PPP1R1C: variants seen among roughly 807,000 people sequenced by gnomAD.
PPP1R1C encodes the protein protein phosphatase 1 regulatory subunit 1C.
Under a neutral mutation model 17.4 loss-of-function variants are expected in PPP1R1C, and 15 were observed. That is an observed-to-expected ratio of 0.86 (90% CI 0.58 to 1.33). The LOEUF (loss-of-function observed/expected upper bound fraction) is 1.33. Ranked by LOEUF, PPP1R1C falls within the 40% of genes most tolerant of loss-of-function variation. PPP1R1C has a pLI of 0.00. For synonymous variants in PPP1R1C, 35 were observed against 43.1 expected, an observed-to-expected ratio of 0.81 and a Z score of 0.73; for missense variants, 143 against 130.0, an observed-to-expected ratio of 1.10 and a Z score of -0.48.
At chr2:182,060,784 C>G (rs902004632) in intron 2 of PPP1R1C, among the ~76,000 whole-genome samples, 1 of 151,998 alleles carries the variant, frequency 6.6e-6, no homozygotes, top group African/African-American at 2.4e-5. Flanking sequence ...AGGCAGAGGC[C>G]ATACAATGTA....
At chr2:182,043,608 C>T (rs1687252169) in intron 2 of PPP1R1C, among the ~76,000 whole-genome samples, 1 of 152,160 alleles carries the variant, frequency 6.6e-6, no homozygotes, top group African/African-American at 2.4e-5. Flanking sequence ...TGTGGAGTAG[C>T]TGATCCGGGA....
At position 182,124,843 on chromosome 2, in the gene PPP1R1C, A is replaced by T. The variant is rs1237782539; in HGVS notation, c.*7-4131A>T. On this transcript the variant is annotated intron_variant, in intron 5 of 5. Coordinates refer to the PPP1R1C transcript ENST00000280295. ...ATATATAATTGTGTCATCTGCAAAC[A>T]GAGATAATTTGACTTCCCCTCTTCC... 2.0e-5 allele frequency among the ~76,000 whole-genome samples: 3 copies of T among 152,206 alleles called. No individual in the cohort carries two copies. The East Asian group carries it at 5.8e-4, about 29-fold the overall frequency.
Position 181,961,189 on chromosome 2 carries a change from C to T in PPP1R1C, n.111+6555C>T, listed in dbSNP as rs1171467371. 2 of 862,558 alleles carry T rather than the reference C, an allele frequency of 2.3e-6. No homozygotes were observed. Among genetic ancestry groups the T allele is most frequent in the East Asian group, 2.4e-5 (1 of 40,916 alleles). The allele number at this position is 862,558 out of a possible 1,614,324, so 53.4% of individuals were successfully genotyped here. ...TGACCTCCTGCTCCCCAAAGGGTAC[C>T]CTGCTTCTGCTGGCTTGATGTCTTA... On this transcript the variant is annotated intron_variant and non_coding_transcript_variant, in intron 1 of 5. Coordinates refer to the PPP1R1C transcript ENST00000464264. The surrounding 1 kb of genome is among the most constrained non-coding windows in gnomAD (Gnocchi z 5.8).
intron 4 of PPP1R1C, among the ~76,000 whole-genome samples, chr2:182,092,380 G>T (rs1688806845): frequency 6.6e-6 from 1 of 152,096 alleles, no homozygotes; most frequent in Admixed American, 6.5e-5. Flanking sequence ...AATTATGGGA[G>T]ATACAAGATG....
intron 4 of PPP1R1C, among the ~76,000 whole-genome samples, chr2:182,093,131 C>G (rs1688835932): frequency 6.6e-6 from 1 of 152,210 alleles, no homozygotes; most frequent in African/African-American, 2.4e-5. Flanking sequence ...CCTTTAAAAT[C>G]TAGGTGGAGG....
intron 2 of PPP1R1C, among the ~76,000 whole-genome samples, chr2:181,992,126 C>T (rs1052556646): frequency 6.6e-6 from 1 of 152,160 alleles, no homozygotes; most frequent in African/African-American, 2.4e-5. Flanking sequence ...CATAAACCAA[C>T]CCAAGTCCCT....
chr2:181,963,522 C>A (rs150558040), intron 1 of PPP1R1C, among the ~76,000 whole-genome samples: 2 of 152,180 alleles, frequency 1.3e-5, no homozygotes, highest in East Asian at 3.9e-4. Flanking sequence ...TCCTGTAATC[C>A]CAGCTACTCA....
intron 3 of PPP1R1C, among the ~76,000 whole-genome samples, chr2:182,062,557 G>T (rs942587302): frequency 1.3e-5 from 2 of 152,178 alleles, no homozygotes; most frequent in African/African-American, 4.8e-5. Context: ...TAGTATGTAG[G>T]TATCACAAAA....
chr2:182,087,893 T>C (rs1411710808), intron 4 of PPP1R1C, among the ~76,000 whole-genome samples: 3 of 152,198 alleles, frequency 2.0e-5, no homozygotes, highest in Non-Finnish European at 4.4e-5. Flanking sequence ...TAATGCATAA[T>C]AGTTAATGAG....
At chr2:182,121,351 T>C (rs991396216), downstream of PPP1R1C, among the ~76,000 whole-genome samples, 1 of 105,886 alleles carries the variant, frequency 9.4e-6, no homozygotes, top group Non-Finnish European at 2.0e-5. Flanking sequence ...TAGTGAGCAT[T>C]TAATAATTGG....
At chr2:182,081,319 A>C (rs2125213551) in intron 4 of PPP1R1C, among the ~76,000 whole-genome samples, 1 of 152,322 alleles carries the variant, frequency 6.6e-6, no homozygotes, top group East Asian at 1.9e-4. Flanking sequence ...GGCTATCAGT[A>C]TTGTATAATT....
intron 1 of PPP1R1C, among the ~76,000 whole-genome samples, chr2:181,966,521 A>T (rs947599480): frequency 2.0e-5 from 3 of 151,890 alleles, no homozygotes; most frequent in African/African-American, 7.3e-5. Flanking sequence ...TCATAAAAGG[A>T]TATTGAATTT....
chr2:182,130,660 AT>A (rs1404670928), downstream of PPP1R1C: 6 of 152,156 alleles, frequency 3.9e-5, no homozygotes, highest in African/African-American at 1.4e-4. Context: ...CTCCTGTTAC[AT>A]TTCTCCTGCA....
intron 2 of PPP1R1C, among the ~76,000 whole-genome samples, chr2:182,036,141 T>C (rs1686998745): frequency 6.6e-6 from 1 of 152,202 alleles, no homozygotes; most frequent in African/African-American, 2.4e-5. Context: ...GATTTCAATT[T>C]ATTTGGTAAC....
intron 2 of PPP1R1C, among the ~76,000 whole-genome samples, chr2:182,058,670 G>C (rs913197647): frequency 1.3e-5 from 2 of 152,014 alleles, no homozygotes; most frequent in Non-Finnish European, 2.9e-5. Flanking sequence ...TGTAATTCAG[G>C]AATTTTACGT....
chr2:181,972,094 T>C (rs1176379824), intron 1 of PPP1R1C, among the ~76,000 whole-genome samples: 2 of 152,236 alleles, frequency 1.3e-5, no homozygotes, highest in Non-Finnish European at 2.9e-5. Flanking sequence ...GTCATTTAAT[T>C]TGGTGTTTCT....
chr2:182,013,064 C>A (rs373734656), intron 2 of PPP1R1C, among the ~76,000 whole-genome samples: 3 of 151,926 alleles, frequency 2.0e-5, no homozygotes, highest in East Asian at 1.9e-4. Flanking sequence ...GTTTGCACAC[C>A]ATAGTTACAG....
intron 2 of PPP1R1C, among the ~76,000 whole-genome samples, chr2:182,014,346 A>T (rs888804279): frequency 6.6e-6 from 1 of 152,160 alleles, no homozygotes; most frequent in Non-Finnish European, 1.5e-5. Flanking sequence ...ACTTTCCTAG[A>T]TTACCTAGCA....
rs954970284 is a variant in PPP1R1C at position 181,985,924 on chromosome 2, G to A, written c.-187G>A. 4.9e-6 allele frequency: 3 copies of A among 611,946 alleles called. No homozygotes were observed. Among genetic ancestry groups the A allele is most frequent in the Admixed American group, 2.8e-5 (1 of 36,074 alleles). The allele number at this position is 611,946 out of a possible 1,614,324, so 37.9% of individuals were successfully genotyped here. A position where few individuals can be genotyped will look rare whatever the true frequency, so the allele number is the denominator to read the frequency against. ...GGGAACAGGCAAGCCAGGCATCACC[G>A]TGGATGTTGAAGAAGGGGGTTACTC... On this transcript the variant is annotated 5_prime_UTR_variant, in exon 1 of 5. The change creates a new upstream start codon in the 5' untranslated region. Coordinates refer to ENST00000682840, the MANE Select transcript of PPP1R1C (RefSeq NM_001080545.3). The surrounding 1 kb of genome is among the most constrained non-coding windows in gnomAD (Gnocchi z 4.1).
Sources: allele counts gnomAD v4.1 joint callset (sites outside exome capture counted in the v4.1 genomes callset), GRCh38; gene constraint gnomAD v4.1.1; non-coding constraint Gnocchi (gnomAD v3.1); transcripts MANE v1.5; gene names NCBI Gene and HGNC (gene_info 2026-07-23, HGNC 2026-07-21).